The following CDK6 variants were observed in gnomAD, a reference collection of about 807,000 sequenced individuals.
CDK6 encodes the protein cyclin-dependent kinase 6.
In CDK6, 6 loss-of-function variants were observed where a neutral mutation model predicts 37.1. That is an observed-to-expected ratio of 0.16 (90% CI 0.09 to 0.32). CDK6 has a LOEUF of 0.32. Among genes scored for constraint, CDK6 ranks in the 10% least tolerant of loss-of-function variants. The pLI is 1.00. For synonymous variants in CDK6, 160 were observed against 161.3 expected, an observed-to-expected ratio of 0.99 and a Z score of 0.06; for missense variants, 224 against 418.9, an observed-to-expected ratio of 0.53 and a Z score of 4.06.
At chr7:92,625,682 A>C (rs1170807491) in intron 5 of CDK6, among the ~76,000 whole-genome samples, 1 of 152,120 alleles carries the variant, frequency 6.6e-6, no homozygotes, top group Non-Finnish European at 1.5e-5. Flanking sequence ...ACAACTCAAA[A>C]ATGCATAGAT....
intron 5 of CDK6, among the ~76,000 whole-genome samples, chr7:92,661,953 A>G (rs968065082): frequency 6.6e-6 from 1 of 152,238 alleles, no homozygotes; most frequent in African/African-American, 2.4e-5. Flanking sequence ...TGGAGGCTAC[A>G]TGTAGAGACA....
intron 6 of CDK6, among the ~76,000 whole-genome samples, chr7:92,621,177 C>T (rs1337919766): frequency 6.6e-6 from 1 of 152,300 alleles, no homozygotes; most frequent in Middle Eastern, 3.4e-3. Flanking sequence ...TCAGCAGTGA[C>T]GCTAGGGTGC....
intron 5 of CDK6, among the ~76,000 whole-genome samples, chr7:92,625,532 CAAAAAA>C (rs67461662): frequency 3.5e-5 from 5 of 142,612 alleles, no homozygotes; most frequent in Non-Finnish European, 6.2e-5. Flanking sequence ...TGCAGTTTTG[CAAAAAA>C]AAACAAAACA....
At position 92,618,120 on chromosome 7, in the gene CDK6, A is replaced by C; in HGVS notation, c.786T>G (p.Ile262Met). 2 of 1,614,054 alleles carry C rather than the reference A, an allele frequency of 1.2e-6. No homozygotes were observed. The highest frequency in any genetic ancestry group is 3.3e-5 in the Admixed American group (2 of 59,994). Residue 262 changes from isoleucine (I) to methionine (M), a missense_variant, in exon 7 of 8, where the codon ATT (isoleucine) becomes ATG (methionine). Transcript: ENST00000424848. ...QAFHSKSAQP[I>M]EKFVTDIDEL... ...CATCGATATCTGTTACAAACTTCTC[A>C]ATTGGTTGGGCAGATTTTGAATGAA...
intron 2 of CDK6, among the ~76,000 whole-genome samples, chr7:92,798,144 T>C (rs1004832586): frequency 2.0e-5 from 3 of 152,200 alleles, no homozygotes; most frequent in Non-Finnish European, 2.9e-5. Context: ...AGCCCAAATT[T>C]GTCCAATTCA....
chr7:92,832,710 G>C (rs540668919), intron 2 of CDK6, among the ~76,000 whole-genome samples: 18 of 152,080 alleles, frequency 1.2e-4, no homozygotes, highest in Non-Finnish European at 2.2e-4. Flanking sequence ...ATTCCCCAAC[G>C]GCATGGCCAC....
At chr7:92,766,706 C>G (rs753291866) in intron 3 of CDK6, among the ~76,000 whole-genome samples, 28 of 152,160 alleles carry the variant, frequency 1.8e-4, no homozygotes, top group Non-Finnish European at 3.4e-4. Flanking sequence ...CTTCCTTCTA[C>G]GCAGAAGAGC....
rs762253972 is a variant in CDK6, at chr7:92,608,457, T to G, written c.*6683A>C. 2.4e-4 allele frequency: 55 copies of G among 230,756 alleles called. No individual in the cohort carries two copies. The highest frequency in any genetic ancestry group is 1.3e-3 in the Middle Eastern group (1 of 776). 14.3% of individuals were successfully genotyped at this position (230,756 alleles called of 1,614,324 possible). On this transcript the variant is annotated 3_prime_UTR_variant, in exon 8 of 8. Transcript: ENST00000424848. The stretch of plus-strand genomic sequence containing the variant: ...AAAATAAACTTTTCAAAACAAAACT[T>G]TTCCAGGCATATCTTTCACCATCAC...
intron 4 of CDK6, among the ~76,000 whole-genome samples, chr7:92,672,501 G>A (rs1797113647): frequency 6.6e-6 from 1 of 151,808 alleles, no homozygotes; most frequent in Non-Finnish European, 1.5e-5. Flanking sequence ...TTAATACAGA[G>A]CAGCGTATAG....
At chr7:92,616,975 A>C (rs142443202) in intron 7 of CDK6, among the ~76,000 whole-genome samples, 1 of 152,214 alleles carries the variant, frequency 6.6e-6, no homozygotes, top group Non-Finnish European at 1.5e-5. Flanking sequence ...TTAATTAAAA[A>C]ACTTTGTGTT....
At chr7:92,650,803 C>T (rs935803540) in intron 5 of CDK6, among the ~76,000 whole-genome samples, 2 of 152,156 alleles carry the variant, frequency 1.3e-5, no homozygotes, top group Non-Finnish European at 2.9e-5. Flanking sequence ...GTGGCTGCTA[C>T]GTCTCAGAGC....
intron 5 of CDK6, among the ~76,000 whole-genome samples, chr7:92,643,232 C>T (rs563409271): frequency 6.6e-6 from 1 of 152,210 alleles, no homozygotes; most frequent in African/African-American, 2.4e-5. Flanking sequence ...GGGAATAACA[C>T]TGGTAAGCCT....
At position 92,605,020 on chromosome 7, in the gene CDK6, C is replaced by T. The variant is rs1795394731; in HGVS notation, c.*10120G>A. 1 of 227,868 alleles carries T rather than the reference C, an allele frequency of 4.4e-6. No individual in the cohort carries two copies. The highest frequency in any genetic ancestry group is 2.2e-5 in the African/African-American group (1 of 44,918). The allele number at this position is 227,868 out of a possible 1,614,324, so 14.1% of individuals were successfully genotyped here. A position where few individuals can be genotyped will look rare whatever the true frequency, so the allele number is the denominator to read the frequency against. ...AATAGCCAGGAGAGTAATTCATCTC[C>T]AGAAAGCAGTTTAAAGTTATTGTTT... On this transcript the variant is annotated 3_prime_UTR_variant, in exon 8 of 8. Transcript: ENST00000424848.
At chr7:92,794,424 T>C (rs1800355746) in intron 2 of CDK6, among the ~76,000 whole-genome samples, 2 of 152,086 alleles carry the variant, frequency 1.3e-5, no homozygotes, top group Admixed American at 1.3e-4. Context: ...CCCCATCCCA[T>C]GGCTTATTAG....
In CDK6 at chr7:92,609,622, T is replaced by G; in HGVS notation, c.*5518A>C. On this transcript the variant is annotated 3_prime_UTR_variant, in exon 8 of 8. Transcript: ENST00000424848. ...ATCTTTAAATTAGGATTTTAAAATTTAATCAATGTTGAAAGGCCACCATGC... is the reference window on the plus strand; with the variant it reads ...ATCTTTAAATTAGGATTTTAAAATTGAATCAATGTTGAAAGGCCACCATGC... The G allele has an allele frequency of 4.3e-6, 1 of 231,132 alleles. No individual in the cohort carries two copies. Among genetic ancestry groups the G allele is most frequent in the East Asian group, 6.2e-5 (1 of 16,236 alleles). The allele number at this position is 231,132 out of a possible 1,614,324, so 14.3% of individuals were successfully genotyped here.
intron 3 of CDK6, among the ~76,000 whole-genome samples, chr7:92,742,414 A>AT (rs1471141619): frequency 6.6e-6 from 1 of 152,116 alleles, no homozygotes; most frequent in Non-Finnish European, 1.5e-5. Flanking sequence ...TTTAGCACAG[A>AT]TTTTGGGGTC....
rs1801586298 is a variant in CDK6 at position 92,834,343 on chromosome 7, C to T, written c.-367-653G>A. Among the ~76,000 whole-genome samples the T allele has an allele frequency of 6.6e-6, 1 of 152,102 alleles. No homozygotes were observed. Among genetic ancestry groups the T allele is most frequent in the Admixed American group, 6.5e-5 (1 of 15,280 alleles). On this transcript the variant is annotated intron_variant, in intron 1 of 7. Coordinates refer to ENST00000424848, the MANE Select transcript of CDK6 (RefSeq NM_001145306.2). The surrounding 1 kb of genome is among the most constrained non-coding windows in gnomAD (Gnocchi z 4.6). ...CGAGGAGACATTTAAAAACGACTCG[C>T]ATACACAAATGGTCTTTTTGGGGTA...
rs1795592343 is a variant in CDK6, at chr7:92,612,829, T to C, written c.*2311A>G. 1 of 233,140 alleles carries C rather than the reference T, an allele frequency of 4.3e-6. No homozygotes were observed. The highest frequency in any genetic ancestry group is 2.2e-5 in the African/African-American group (1 of 45,474). 14.4% of individuals were successfully genotyped at this position (233,140 alleles called of 1,614,324 possible). On this transcript the variant is annotated 3_prime_UTR_variant, in exon 8 of 8. Coordinates refer to ENST00000424848, the MANE Select transcript of CDK6 (RefSeq NM_001145306.2). The stretch of plus-strand genomic sequence containing the variant: ...GCAAAAACTAAAGCTATGTTCACTC[T>C]AGCCATGAATACTAACCAAAAAGCT...
At chr7:92,799,991 A>G (rs1417743726) in intron 2 of CDK6, among the ~76,000 whole-genome samples, 1 of 152,036 alleles carries the variant, frequency 6.6e-6, no homozygotes, top group Non-Finnish European at 1.5e-5. Context: ...CATCACCATC[A>G]CTATCCTCTC....
Sources: allele counts gnomAD v4.1 joint callset (sites outside exome capture counted in the v4.1 genomes callset), GRCh38; gene constraint gnomAD v4.1.1; non-coding constraint Gnocchi (gnomAD v3.1); transcripts MANE v1.5; gene names NCBI Gene and HGNC (gene_info 2026-07-23, HGNC 2026-07-21).